GALNT13: variants seen among roughly 807,000 people sequenced by gnomAD.
GALNT13 encodes the protein polypeptide N-acetylgalactosaminyltransferase 13.
Under a neutral mutation model 64.2 loss-of-function variants are expected in GALNT13, and 28 were observed. The observed-to-expected ratio is 0.44, with a 90% CI of 0.32 to 0.60. The LOEUF (loss-of-function observed/expected upper bound fraction) is 0.60. Ranked by LOEUF, GALNT13 falls within the 20% of genes least tolerant of loss-of-function variation. The probability of loss-of-function intolerance (pLI) is 0.05; values close to 1 mark genes in which losing one functional copy is unlikely to be tolerated. For missense variants in GALNT13, 577 were observed against 669.8 expected, an observed-to-expected ratio of 0.86 and a Z score of 1.53; for synonymous variants, 214 against 224.6, an observed-to-expected ratio of 0.95 and a Z score of 0.42.
At chr2:154,215,154 C>G (rs1428160573) in intron 4 of GALNT13, among the ~76,000 whole-genome samples, 1 of 152,168 alleles carries the variant, frequency 6.6e-6, no homozygotes, top group Non-Finnish European at 1.5e-5. Flanking sequence ...ATGGATCCAG[C>G]TGTGTACAGA....
At chr2:153,255,425 T>C in the GALNT13 span, among the ~76,000 whole-genome samples, 16 of 140,860 alleles carry the variant, frequency 1.1e-4, no homozygotes, top group East Asian at 2.1e-3. Flanking sequence ...CTTTATCCAA[T>C]TTGCCAGTCT....
chr2:153,775,750 G>A, the GALNT13 span, among the ~76,000 whole-genome samples: 2 of 152,026 alleles, frequency 1.3e-5, no homozygotes, highest in Non-Finnish European at 2.9e-5. Flanking sequence ...TTATTTAAGA[G>A]CAAGAATCAC....
chr2:154,416,491 A>AG (rs1700012877), intron 11 of GALNT13, among the ~76,000 whole-genome samples: 1 of 152,012 alleles, frequency 6.6e-6, no homozygotes, highest in Non-Finnish European at 1.5e-5. Context: ...TGAATTTGGG[A>AG]GGGGGGACTC....
rs1163523604 is a variant in GALNT13, at chr2:154,396,065, T to A, written c.1231T>A (p.Ser411Thr). Reference sequence around the variant, plus strand: ...AGAAAATCTGAAGTGTAAGCCCTTTTCTTGGTACCTAGAAAACATCTATCC... The same window carrying A: ...AGAAAATCTGAAGTGTAAGCCCTTTACTTGGTACCTAGAAAACATCTATCC... Reference protein sequence around the residue: ...LRENLKCKPFSWYLENIYPDS... With the variant: ...LRENLKCKPFTWYLENIYPDS... The change falls in exon 10 of 13, where the codon TCT (serine) becomes ACT (threonine). Residue 411 changes from serine to threonine, a missense_variant. Physicochemically the swap from Ser to Thr is moderately conservative, Grantham distance 58. Transcript: ENST00000392825. The A allele has an allele frequency of 6.2e-7, 1 of 1,611,856 alleles. No homozygotes were observed.
chr2:153,718,831 A>C, the GALNT13 span, among the ~76,000 whole-genome samples: 1 of 152,198 alleles, frequency 6.6e-6, no homozygotes, highest in Non-Finnish European at 1.5e-5. Context: ...GAAAATTAGA[A>C]GGCATTTTAG....
chr2:153,981,896 C>T (rs1694491152), intron 3 of GALNT13, among the ~76,000 whole-genome samples: 2 of 151,738 alleles, frequency 1.3e-5, no homozygotes, highest in African/African-American at 4.8e-5. Context: ...TTATTTTTTT[C>T]TCCATTATTA....
chr2:153,361,287 T>C, the GALNT13 span, among the ~76,000 whole-genome samples: 1 of 151,980 alleles, frequency 6.6e-6, no homozygotes, highest in Non-Finnish European at 1.5e-5. Flanking sequence ...CGCTGAAACC[T>C]AAAAGGCCAG....
At chr2:154,005,151 G>T (rs1380357470) in intron 3 of GALNT13, among the ~76,000 whole-genome samples, 4 of 152,070 alleles carry the variant, frequency 2.6e-5, no homozygotes, top group Non-Finnish European at 5.9e-5. Context: ...CTAATTGAAT[G>T]TAAAATTTAT....
At chr2:154,425,285 G>A (rs13407922) in intron 11 of GALNT13, among the ~76,000 whole-genome samples, 20,195 of 152,082 alleles carry the variant, frequency 0.13, 1,501 homozygotes, top group African/African-American at 0.18. Context: ...AGATGGGATA[G>A]CAAAAAGTCT....
chr2:154,343,549 A>G (rs1318953201), intron 9 of GALNT13, among the ~76,000 whole-genome samples: 1 of 152,050 alleles, frequency 6.6e-6, no homozygotes, highest in African/African-American at 2.4e-5. Flanking sequence ...ATTCATTACT[A>G]ATGTTTGAAA....
chr2:153,785,284 G>GC, the GALNT13 span, among the ~76,000 whole-genome samples: 2 of 152,020 alleles, frequency 1.3e-5, no homozygotes, highest in Non-Finnish European at 2.9e-5. Context: ...CACTGGGTGG[G>GC]ACCTGCCAAC....
At chr2:154,069,996 AAAATT>A (rs1700662080) in intron 3 of GALNT13, among the ~76,000 whole-genome samples, 1 of 152,132 alleles carries the variant, frequency 6.6e-6, no homozygotes, top group Non-Finnish European at 1.5e-5. Flanking sequence ...AAATAAAAGA[AAAATT>A]AAATTTAAAG....
chr2:153,307,811 A>G, the GALNT13 span, among the ~76,000 whole-genome samples: 1 of 152,156 alleles, frequency 6.6e-6, no homozygotes, highest in East Asian at 1.9e-4. Context: ...GTAATTAAAG[A>G]TACTGGCTGT....
chr2:153,556,704 A>T, the GALNT13 span, among the ~76,000 whole-genome samples: 1 of 152,224 alleles, frequency 6.6e-6, no homozygotes, highest in African/African-American at 2.4e-5. Context: ...GTTTAACTGG[A>T]AAATGCAGGC....
intron 9 of GALNT13, among the ~76,000 whole-genome samples, chr2:154,368,997 A>AGTT (rs60292131): frequency 0.8 from 120,296 of 150,670 alleles, 48,110 homozygotes; most frequent in East Asian, 0.88. Flanking sequence ...GAAGACACCG[A>AGTT]GTTGTTGTTG....
the GALNT13 span, among the ~76,000 whole-genome samples, chr2:153,567,817 C>T: frequency 3.0e-4 from 46 of 152,298 alleles, no homozygotes; most frequent in African/African-American, 9.6e-4. Flanking sequence ...CATTAATCTA[C>T]GGGAATCAGG....
chr2:154,025,012 T>C (rs545317063), intron 3 of GALNT13, among the ~76,000 whole-genome samples: 1 of 152,300 alleles, frequency 6.6e-6, no homozygotes, highest in East Asian at 1.9e-4. Flanking sequence ...ACAGCAGATA[T>C]GGGTGAACCA....
At chr2:153,724,591 A>G in the GALNT13 span, among the ~76,000 whole-genome samples, 1 of 112,958 alleles carries the variant, frequency 8.9e-6, no homozygotes, top group Non-Finnish European at 1.7e-5. Context: ...TCTACAATGA[A>G]CTCAAACAAA....
chr2:153,964,598 A>C (rs72866803), intron 3 of GALNT13, among the ~76,000 whole-genome samples: 10,729 of 152,206 alleles, frequency 0.07, 439 homozygotes, highest in Middle Eastern at 0.12. Flanking sequence ...AATTCATTAG[A>C]TAACTTGAAA....
Sources: gnomAD v4.1 joint callset for allele counts (sites outside exome capture counted in the v4.1 genomes callset) on GRCh38, gnomAD v4.1.1 for gene constraint, MANE v1.5 for transcripts, NCBI Gene and HGNC (gene_info 2026-07-23, HGNC 2026-07-21) for gene names.